GALNT13: variants seen among roughly 807,000 people sequenced by gnomAD.
GALNT13 encodes polypeptide N-acetylgalactosaminyltransferase 13, also known as UDP-GalNAc:polypeptide N-acetylgalactosaminyltransferase 13.
A neutral mutation model predicts 64.2 loss-of-function variants in GALNT13; 28 were observed. That is an observed-to-expected ratio of 0.44 (90% CI 0.32 to 0.60). GALNT13 has a LOEUF of 0.60. GALNT13 is among the 20% of genes least tolerant of loss of function. The probability of loss-of-function intolerance (pLI) is 0.05; values close to 1 mark genes in which losing one functional copy is unlikely to be tolerated. For synonymous variants in GALNT13, 214 were observed against 224.6 expected, an observed-to-expected ratio of 0.95 and a Z score of 0.42; for missense variants, 577 against 669.8, an observed-to-expected ratio of 0.86 and a Z score of 1.53.
the GALNT13 span, among the ~76,000 whole-genome samples, chr2:153,503,713 T>C: frequency 6.6e-6 from 1 of 152,148 alleles, no homozygotes; most frequent in Admixed American, 6.5e-5. Context: ...AGTGCTAGGA[T>C]TACAGGTGTG....
the GALNT13 span, among the ~76,000 whole-genome samples, chr2:153,196,956 G>T: frequency 6.6e-6 from 1 of 152,226 alleles, no homozygotes; most frequent in Admixed American, 6.5e-5. Context: ...GCCTGCTGCT[G>T]CCATCAGTGG....
At chr2:154,099,104 A>G (rs1445448972) in intron 3 of GALNT13, among the ~76,000 whole-genome samples, 2 of 152,034 alleles carry the variant, frequency 1.3e-5, no homozygotes, top group African/African-American at 4.8e-5. Flanking sequence ...CTTTTTAATA[A>G]TAGCTGTTCT....
At chr2:154,011,083 T>G (rs1227486136) in intron 3 of GALNT13, among the ~76,000 whole-genome samples, 1 of 152,118 alleles carries the variant, frequency 6.6e-6, no homozygotes, top group Admixed American at 6.6e-5. Context: ...ATTTTTTTTC[T>G]CAATTTCATT....
upstream of GALNT13, among the ~76,000 whole-genome samples, chr2:153,867,067 T>C (rs1460167751): frequency 1.3e-5 from 2 of 152,272 alleles, no homozygotes; most frequent in Admixed American, 6.5e-5. Context: ...ACAGTCAATC[T>C]GCAGCTGACA....
chr2:154,035,445 C>A (rs944029600), intron 3 of GALNT13, among the ~76,000 whole-genome samples: 4 of 151,980 alleles, frequency 2.6e-5, no homozygotes, highest in African/African-American at 7.2e-5. Flanking sequence ...AATGTCACTG[C>A]AAGTTGTTTC....
chr2:154,193,934 G>A (rs915768318), intron 4 of GALNT13, among the ~76,000 whole-genome samples: 1 of 152,154 alleles, frequency 6.6e-6, no homozygotes, highest in Non-Finnish European at 1.5e-5. Context: ...GTTAATTCCT[G>A]TAAACCAAGT....
chr2:153,621,552 GC>G, the GALNT13 span, among the ~76,000 whole-genome samples: 1 of 152,104 alleles, frequency 6.6e-6, no homozygotes, highest in Non-Finnish European at 1.5e-5. Context: ...TGTTCCCCAG[GC>G]CCTGGATGGG....
the GALNT13 span, among the ~76,000 whole-genome samples, chr2:153,688,994 GTGTGT>G: frequency 2.6e-3 from 57 of 21,636 alleles, no homozygotes; most frequent in African/African-American, 7.5e-3. Context: ...AGGTAGGGGT[GTGTGT>G]GTGTGTGTGT....
the GALNT13 span, among the ~76,000 whole-genome samples, chr2:153,617,571 T>A: frequency 6.6e-6 from 1 of 151,966 alleles, no homozygotes; most frequent in Non-Finnish European, 1.5e-5. Context: ...AATACTGGCC[T>A]TGTATCAGTT....
chr2:154,233,410 G>C (rs928852288), intron 4 of GALNT13, among the ~76,000 whole-genome samples: 3 of 152,142 alleles, frequency 2.0e-5, no homozygotes, highest in African/African-American at 7.2e-5. Context: ...GTCCTATGAA[G>C]CAGGCTGTTT....
At chr2:154,005,837 A>G (rs897681819) in intron 3 of GALNT13, among the ~76,000 whole-genome samples, 12 of 152,186 alleles carry the variant, frequency 7.9e-5, no homozygotes, top group Admixed American at 1.3e-4. Flanking sequence ...ATTTCTAAGT[A>G]TAACAGTCAG....
At chr2:154,123,697 G>T (rs1443730039) in intron 3 of GALNT13, among the ~76,000 whole-genome samples, 2 of 151,858 alleles carry the variant, frequency 1.3e-5, no homozygotes, top group African/African-American at 4.8e-5. Context: ...ATTTAATCCA[G>T]AAAATGACTA....
chr2:153,862,998 C>G, the GALNT13 span, among the ~76,000 whole-genome samples: 1 of 152,022 alleles, frequency 6.6e-6, no homozygotes, highest in Non-Finnish European at 1.5e-5. Flanking sequence ...AGAAAATTGC[C>G]TCTTCACATC....
chr2:154,107,131 A>T (rs1380984157), intron 3 of GALNT13, among the ~76,000 whole-genome samples: 1 of 152,194 alleles, frequency 6.6e-6, no homozygotes, highest in Non-Finnish European at 1.5e-5. Flanking sequence ...AGCCTAAGGC[A>T]TCACCATAAG....
At chr2:154,052,891 C>T (rs1699709792) in intron 3 of GALNT13, among the ~76,000 whole-genome samples, 1 of 151,962 alleles carries the variant, frequency 6.6e-6, no homozygotes. Context: ...CGCCCGCCAC[C>T]ATGCCCGGCT....
chr2:153,854,694 T>C, the GALNT13 span, among the ~76,000 whole-genome samples: 1 of 152,104 alleles, frequency 6.6e-6, no homozygotes, highest in Non-Finnish European at 1.5e-5. Flanking sequence ...TGGAAACATA[T>C]ACTATGTTAT....
At chr2:154,237,446 T>C (rs1280058987) in intron 4 of GALNT13, among the ~76,000 whole-genome samples, 1 of 150,724 alleles carries the variant, frequency 6.6e-6, no homozygotes, top group Non-Finnish European at 1.5e-5. Flanking sequence ...ATTTGTTCCT[T>C]GTTCATGTTG....
intron 11 of GALNT13, among the ~76,000 whole-genome samples, chr2:154,421,421 A>G (rs1700245042): frequency 6.6e-6 from 1 of 152,020 alleles, no homozygotes; most frequent in Non-Finnish European, 1.5e-5. Context: ...TATATATCCC[A>G]TATATATTTT....
chr2:154,257,314 A>G (rs1331409287), intron 7 of GALNT13, among the ~76,000 whole-genome samples: 2 of 152,180 alleles, frequency 1.3e-5, no homozygotes, highest in African/African-American at 4.8e-5. Context: ...CAGTAAGTAG[A>G]TAAGTAGATG....
Sources: gnomAD v4.1 joint callset for allele counts (sites outside exome capture counted in the v4.1 genomes callset) on GRCh38, gnomAD v4.1.1 for gene constraint, MANE v1.5 for transcripts, NCBI Gene and HGNC (gene_info 2026-07-23, HGNC 2026-07-21) for gene names.